Variants in ATP10B observed in about 807,000 individuals in gnomAD.
ATP10B encodes phospholipid-transporting ATPase VB.
Under a neutral mutation model 141.2 loss-of-function variants are expected in ATP10B, and 122 were observed. The observed-to-expected ratio is 0.86, with a 90% confidence interval of 0.75 to 1.00. ATP10B has a LOEUF of 1.00. Ranked by LOEUF, ATP10B falls within the 50% of genes least tolerant of loss-of-function variation. ATP10B has a pLI of 0.00. For synonymous variants in ATP10B, 685 were observed against 692.0 expected (o/e 0.99, Z 0.16); for missense variants, 1,876 against 1,825.3 (o/e 1.03, Z -0.51).
chr5:160,656,292 T>TTG (rs1390239161), intron 7 of ATP10B, among the ~76,000 whole-genome samples: 2 of 152,178 alleles, frequency 1.3e-5, no homozygotes, highest in Non-Finnish European at 2.9e-5. Flanking sequence ...TGGTTTATAA[T>TTG]TGTGATGGGA....
intron 13 of ATP10B, among the ~76,000 whole-genome samples, chr5:160,625,296 G>A (rs764060518): frequency 6.6e-6 from 1 of 152,196 alleles, no homozygotes; most frequent in Non-Finnish European, 1.5e-5. Flanking sequence ...AGGGTCTTTA[G>A]TGTCTGGGCA....
chr5:160,670,150 C>T (rs920423944), intron 7 of ATP10B, among the ~76,000 whole-genome samples: 1 of 152,082 alleles, frequency 6.6e-6, no homozygotes, highest in African/African-American at 2.4e-5. Flanking sequence ...GATGATGGAA[C>T]AGACATTAGA....
intron 1 of ATP10B, among the ~76,000 whole-genome samples, chr5:160,844,848 A>G (rs1039257867): frequency 6.6e-6 from 1 of 152,104 alleles, no homozygotes; most frequent in Non-Finnish European, 1.5e-5. Flanking sequence ...CCTGACCAAT[A>G]CTTATGTTAT....
Position 160,563,287 on chromosome 5 carries a change from AC to A in ATP10B, c.*2165del, listed in dbSNP as rs1402566773. ...CTGTAAGATGGCACATTGGATGGTCACAGTTGGCTTGATTTACAGAGGGGCA... is the reference window on the plus strand; with the variant it reads ...CTGTAAGATGGCACATTGGATGGTCAAGTTGGCTTGATTTACAGAGGGGCA... On this transcript the variant is annotated 3_prime_UTR_variant, in exon 26 of 26. Transcript: ENST00000327245. The A allele has an allele frequency of 6.6e-6, 1 of 152,168 alleles. No individual in the cohort carries two copies. Among genetic ancestry groups the A allele is most frequent in the Non-Finnish European group, 1.5e-5 (1 of 68,036 alleles). The allele number at this position is 152,168 out of a possible 1,614,324, so 9.4% of individuals were successfully genotyped here.
At chr5:160,781,593 A>G (rs1770716783) in intron 2 of ATP10B, among the ~76,000 whole-genome samples, 1 of 152,162 alleles carries the variant, frequency 6.6e-6, no homozygotes, top group Non-Finnish European at 1.5e-5. Flanking sequence ...GGAAATAGAA[A>G]AGGCAAATAA....
At chr5:160,599,006 C>G in intron 21 of ATP10B, 36 bp from the exon 22 acceptor site, 1 of 1,602,556 alleles carries the variant, frequency 6.2e-7, no homozygotes, top group Non-Finnish European at 8.5e-7. Context: ...GAGTGGGGCT[C>G]CATGTGCAGC....
At chr5:160,795,454 CA>C (rs1417683943) in intron 1 of ATP10B, among the ~76,000 whole-genome samples, 1 of 152,214 alleles carries the variant, frequency 6.6e-6, no homozygotes, top group African/African-American at 2.4e-5. Flanking sequence ...TGTTTTCTAG[CA>C]CTGAGACTTG....
chr5:160,707,913 A>G (rs970010049), intron 3 of ATP10B, among the ~76,000 whole-genome samples: 32 of 152,332 alleles, frequency 2.1e-4, no homozygotes, highest in African/African-American at 7.5e-4. Flanking sequence ...TTGAAGAAGA[A>G]TGATAGAGTG....
Position 160,759,402 on chromosome 5 carries a change from A to G in ATP10B, c.-331+26157T>C, listed in dbSNP as rs144482167. On this transcript the variant is annotated intron_variant, in intron 2 of 25. Transcript: ENST00000327245. ...ACAGGTAAACACGATAACTTATTCCAAGGCTTTAACCCAGATAATCAGAGA... is the reference window on the plus strand; with the variant it reads ...ACAGGTAAACACGATAACTTATTCCGAGGCTTTAACCCAGATAATCAGAGA... Among the ~76,000 whole-genome samples the G allele has an allele frequency of 1.3e-3, 196 of 152,372 alleles. 1 individual carries two copies. In the East Asian group the frequency reaches 0.033, roughly 26 times the overall value.
intron 3 of ATP10B, among the ~76,000 whole-genome samples, chr5:160,699,519 G>C (rs1014756874): frequency 2.0e-5 from 3 of 152,126 alleles, no homozygotes; most frequent in Non-Finnish European, 2.9e-5. Flanking sequence ...AGTACACCCC[G>C]GAAGAACTGA....
chr5:160,689,140 T>G (rs1396750914), intron 3 of ATP10B, among the ~76,000 whole-genome samples, 197 bp from the exon 4 acceptor site: 1 of 152,216 alleles, frequency 6.6e-6, no homozygotes, highest in Non-Finnish European at 1.5e-5. Context: ...TATGATTACC[T>G]CAATAGATGC....
At chr5:160,584,161 G>A (rs912794754) in intron 24 of ATP10B, among the ~76,000 whole-genome samples, 2 of 152,276 alleles carry the variant, frequency 1.3e-5, no homozygotes, top group African/African-American at 4.8e-5. Flanking sequence ...CAGGGCCCTC[G>A]TGGTGTAGGC....
chr5:160,575,274 T>C (rs529804281), intron 24 of ATP10B, among the ~76,000 whole-genome samples: 20 of 152,352 alleles, frequency 1.3e-4, no homozygotes, highest in African/African-American at 2.9e-4. Flanking sequence ...GTGTTTTTTT[T>C]CCCTTCAGCA....
At chr5:160,864,586 A>T in the ATP10B span, among the ~76,000 whole-genome samples, 14 of 151,654 alleles carry the variant, frequency 9.2e-5, no homozygotes, top group Admixed American at 8.5e-4. Context: ...CAATCAGACA[A>T]GAGAAAAAAA....
At chr5:160,802,931 G>A (rs1327718914) in intron 1 of ATP10B, among the ~76,000 whole-genome samples, 1 of 152,146 alleles carries the variant, frequency 6.6e-6, no homozygotes, top group Non-Finnish European at 1.5e-5. Flanking sequence ...AAGGCAGGAG[G>A]GGAGATAATT....
chr5:160,816,049 A>G (rs1773593708), intron 1 of ATP10B, among the ~76,000 whole-genome samples: 1 of 152,006 alleles, frequency 6.6e-6, no homozygotes, highest in Middle Eastern at 3.2e-3. Context: ...AAATGCCCAC[A>G]AGAGAAAGCA....
intron 18 of ATP10B, among the ~76,000 whole-genome samples, chr5:160,609,049 GT>G (rs1185583457): frequency 1.3e-5 from 2 of 152,082 alleles, no homozygotes; most frequent in Admixed American, 1.3e-4. Flanking sequence ...TTCTTCTAGG[GT>G]TTTTATGGTT....
At chr5:160,596,623 T>A (rs1156792777) in intron 22 of ATP10B, among the ~76,000 whole-genome samples, 3 of 150,012 alleles carry the variant, frequency 2.0e-5, no homozygotes, top group Non-Finnish European at 4.4e-5. Flanking sequence ...GCAGATGACA[T>A]GATTGTATAT....
chr5:160,922,243 G>T, the ATP10B span, among the ~76,000 whole-genome samples: 1 of 152,134 alleles, frequency 6.6e-6, no homozygotes, highest in South Asian at 2.1e-4. Context: ...TGAGGTCTGG[G>T]TTTATCACCA....
Sources: gnomAD v4.1 joint callset for allele counts (sites outside exome capture counted in the v4.1 genomes callset) on GRCh38, gnomAD v4.1.1 for gene constraint, MANE v1.5 for transcripts, NCBI Gene and HGNC (gene_info 2026-07-23, HGNC 2026-07-21) for gene names.